Variants in DLG2 observed in about 807,000 individuals in gnomAD.
The protein encoded by DLG2 is discs large MAGUK scaffold protein 2.
DLG2 carries 45 observed loss-of-function variants against 132.5 expected under a neutral mutation model. The observed-to-expected ratio is 0.34, with a 90% CI of 0.27 to 0.44. The LOEUF (loss-of-function observed/expected upper bound fraction) is 0.44, where lower values mean the gene tolerates loss of function less well. DLG2 is among the 20% of genes least tolerant of loss of function. The pLI is 1.00. For synonymous variants in DLG2, 424 were observed against 419.6 expected (o/e 1.01, Z -0.13); for missense variants, 1,045 against 1,196.9 (o/e 0.87, Z 1.87).
chr11:85,304,544 T>C (rs1449366842), intron 3 of DLG2, among the ~76,000 whole-genome samples: 1 of 152,084 alleles, frequency 6.6e-6, no homozygotes, highest in Non-Finnish European at 1.5e-5. Flanking sequence ...TGCCCCCAAA[T>C]CTGAAACTTT....
At chr11:85,287,537 A>G (rs1028241220) in intron 3 of DLG2, among the ~76,000 whole-genome samples, 7 of 152,144 alleles carry the variant, frequency 4.6e-5, no homozygotes, top group African/African-American at 1.7e-4. Context: ...AAAGACATGA[A>G]TCCTTGGTAA....
chr11:85,536,950 G>A (rs1204035672), intron 3 of DLG2, among the ~76,000 whole-genome samples: 2 of 152,176 alleles, frequency 1.3e-5, no homozygotes, highest in Non-Finnish European at 2.9e-5. Flanking sequence ...TGGGCTTCTG[G>A]GACAGGTGGG....
intron 20 of DLG2, among the ~76,000 whole-genome samples, chr11:83,541,372 C>T (rs1295427794): frequency 3.9e-5 from 6 of 152,080 alleles, no homozygotes; most frequent in Non-Finnish European, 8.8e-5. Flanking sequence ...ATTTGTAAGT[C>T]GGCATATGAG....
At chr11:85,512,003 C>A (rs909360394) in intron 3 of DLG2, among the ~76,000 whole-genome samples, 63 of 152,064 alleles carry the variant, frequency 4.1e-4, no homozygotes, top group African/African-American at 1.5e-3. Flanking sequence ...ATGTGAAAAA[C>A]AAAAATATTT....
chr11:85,442,619 T>C (rs756628004), intron 3 of DLG2, among the ~76,000 whole-genome samples: 3 of 152,030 alleles, frequency 2.0e-5, no homozygotes, highest in Non-Finnish European at 4.4e-5. Context: ...CCCAGCACTT[T>C]GGAAGGCCAA....
intron 3 of DLG2, among the ~76,000 whole-genome samples, chr11:85,551,053 A>G (rs1044289850): frequency 2.0e-5 from 3 of 152,262 alleles, no homozygotes; most frequent in Non-Finnish European, 4.4e-5. Context: ...TAAAATCCTG[A>G]CACCATTATC....
At chr11:84,397,205 A>C (rs2098813810) in intron 7 of DLG2, among the ~76,000 whole-genome samples, 1 of 152,200 alleles carries the variant, frequency 6.6e-6, no homozygotes, top group African/African-American at 2.4e-5. Flanking sequence ...ACTAAGACTG[A>C]TACGACTACA....
At chr11:83,853,963 A>C (rs1312999221) in intron 16 of DLG2, among the ~76,000 whole-genome samples, 1 of 152,162 alleles carries the variant, frequency 6.6e-6, no homozygotes, top group Non-Finnish European at 1.5e-5. Context: ...AGATAACATA[A>C]TACTCTTTGT....
Position 84,082,226 on chromosome 11 carries a change from ATTTTTAAAG to A in DLG2, c.749+16688_749+16696del, listed in dbSNP as rs1429197156. ...CTCTACAAGCCAAAATTTACAAAAT[ATTTTTAAAG>A]TACAATGCCTGTGTTATGGTATTAA... On this transcript the variant is annotated intron_variant, in intron 10 of 27. Transcript: ENST00000376104. Among the ~76,000 whole-genome samples, 9 of 152,296 alleles carry A rather than the reference ATTTTTAAAG, an allele frequency of 5.9e-5. No homozygotes were observed. In the East Asian group the frequency reaches 1.7e-3, roughly 29 times the overall value.
intron 3 of DLG2, among the ~76,000 whole-genome samples, chr11:85,437,761 A>G (rs1268639063): frequency 1.3e-5 from 2 of 152,154 alleles, no homozygotes; most frequent in African/African-American, 4.8e-5. Flanking sequence ...AATTTAGGAA[A>G]TATAGAAGAT....
intron 3 of DLG2, among the ~76,000 whole-genome samples, chr11:85,418,335 C>T (rs984283904): frequency 2.0e-5 from 3 of 152,128 alleles, no homozygotes; most frequent in African/African-American, 7.2e-5. Flanking sequence ...CATTCTTTTG[C>T]ATTTGCTTAG....
intron 4 of DLG2, among the ~76,000 whole-genome samples, chr11:85,165,364 G>C (rs1286295742): frequency 1.3e-5 from 2 of 152,184 alleles, no homozygotes; most frequent in African/African-American, 4.8e-5. Context: ...GACGAAATCA[G>C]AATGGAGTCA....
At chr11:84,689,542 AT>A (rs2057772169) in intron 6 of DLG2, among the ~76,000 whole-genome samples, 1 of 152,124 alleles carries the variant, frequency 6.6e-6, no homozygotes, top group African/African-American at 2.4e-5. Flanking sequence ...TTTATTATGC[AT>A]TTAAATAGTT....
At chr11:84,573,863 C>T (rs1484180195) in intron 6 of DLG2, among the ~76,000 whole-genome samples, 1 of 152,168 alleles carries the variant, frequency 6.6e-6, no homozygotes, top group Non-Finnish European at 1.5e-5. Context: ...GACTGGCAAA[C>T]TCTGAGTCAT....
At chr11:84,270,193 C>T (rs1390035268) in intron 7 of DLG2, among the ~76,000 whole-genome samples, 1 of 152,178 alleles carries the variant, frequency 6.6e-6, no homozygotes, top group Non-Finnish European at 1.5e-5. Context: ...AATGATGGAA[C>T]CAATTTAAAA....
At chr11:83,504,259 G>A (rs909597442) in intron 21 of DLG2, among the ~76,000 whole-genome samples, 1 of 152,116 alleles carries the variant, frequency 6.6e-6, no homozygotes, top group Admixed American at 6.5e-5. Context: ...AAGCACCTCA[G>A]CAGGTCATGG....
At chr11:83,503,788 A>T (rs2094566329) in intron 21 of DLG2, among the ~76,000 whole-genome samples, 1 of 152,144 alleles carries the variant, frequency 6.6e-6, no homozygotes, top group Non-Finnish European at 1.5e-5. Flanking sequence ...TCACAGATAC[A>T]TCTAGGATCA....
chr11:83,599,220 A>G (rs11233691), intron 19 of DLG2, among the ~76,000 whole-genome samples: 10,777 of 152,220 alleles, frequency 0.071, 477 homozygotes, highest in South Asian at 0.12. Context: ...TTCAGCATGG[A>G]AGGTATGTAA....
chr11:84,631,014 TCTCTCACACA>T (rs1274528347), intron 6 of DLG2, among the ~76,000 whole-genome samples: 156 of 128,294 alleles, frequency 1.2e-3, no homozygotes, highest in African/African-American at 4.6e-3. Context: ...TCTCTCTCTC[TCTCTCACACA>T]CACACACACA....
Sources: allele counts gnomAD v4.1 joint callset (sites outside exome capture counted in the v4.1 genomes callset), GRCh38; gene constraint gnomAD v4.1.1; transcripts MANE v1.5; gene names NCBI Gene and HGNC (gene_info 2026-07-23, HGNC 2026-07-21).